The following RPH3A variants were observed in gnomAD, a reference collection of about 807,000 sequenced individuals.
RPH3A encodes rabphilin-3A.
Under a neutral mutation model 102.2 loss-of-function variants are expected in RPH3A, and 48 were observed. The ratio of observed to expected loss-of-function variants is 0.47; its 90% CI spans 0.37 to 0.60. The LOEUF is 0.60. Ranked by LOEUF, RPH3A falls within the 20% of genes least tolerant of loss-of-function variation. The pLI is 0.00. For missense variants in RPH3A, 781 were observed against 910.1 expected (o/e 0.86, Z 1.83); for synonymous variants, 310 against 324.3 (o/e 0.96, Z 0.47).
chr12:112,869,855 A>G, intron 9 of RPH3A, 38 bp from the exon 10 acceptor site: 1 of 1,614,106 alleles, frequency 6.2e-7, no homozygotes, highest in Non-Finnish European at 8.5e-7. Context: ...AATTCCCTCG[A>G]TGCCCTTTCT....
chr12:112,598,326 G>A (rs914689328), intron 1 of RPH3A, among the ~76,000 whole-genome samples: 4 of 152,176 alleles, frequency 2.6e-5, no homozygotes, highest in African/African-American at 9.7e-5. Context: ...AACAGACGTT[G>A]TCAATTCAGT....
intron 1 of RPH3A, among the ~76,000 whole-genome samples, chr12:112,727,405 A>AT (rs1565862304): frequency 8.4e-5 from 11 of 131,382 alleles, no homozygotes; most frequent in African/African-American, 2.2e-4. Flanking sequence ...AAAAAAAAAA[A>AT]AATATATATA....
At chr12:112,655,957 C>T (rs553639776) in intron 1 of RPH3A, among the ~76,000 whole-genome samples, 49 of 152,258 alleles carry the variant, frequency 3.2e-4, no homozygotes, top group Middle Eastern at 3.4e-3. Context: ...ATCATAGCTG[C>T]AGGAATGGGA....
intron 1 of RPH3A, among the ~76,000 whole-genome samples, chr12:112,712,897 CTTCTTCCTCTTCTTCTTCT>C (rs1565856685): frequency 7.5e-6 from 1 of 133,008 alleles, no homozygotes. Context: ...TCTTCTTCTT[CTTCTTCCTCTTCTTCTTCT>C]TCTTCTTCCT....
chr12:112,633,070 T>C (rs886104125), intron 1 of RPH3A, among the ~76,000 whole-genome samples: 3 of 150,994 alleles, frequency 2.0e-5, no homozygotes, highest in African/African-American at 4.9e-5. Flanking sequence ...CACATGTCTG[T>C]AGTCCCAGCT....
At chr12:112,881,108 C>T (rs889778158) in intron 14 of RPH3A, among the ~76,000 whole-genome samples, 5 of 152,082 alleles carry the variant, frequency 3.3e-5, no homozygotes, top group East Asian at 1.9e-4. Flanking sequence ...AGAGGGATGA[C>T]GGGAGCCCAG....
chr12:112,897,087 A>C lies in RPH3A; in HGVS notation c.*307A>C. On this transcript the variant is annotated 3_prime_UTR_variant, in exon 22 of 22. Transcript: ENST00000389385. ...AACCTCTCAGTTTGGGTAAATTACA[A>C]AGGTTCTTCATCATTTAGGACTGTT... The C allele has an allele frequency of 3.2e-6, 1 of 309,812 alleles. No individual in the cohort carries two copies. The highest frequency in any genetic ancestry group is 6.2e-6 in the Non-Finnish European group (1 of 160,336). 19.2% of individuals were successfully genotyped at this position (309,812 alleles called of 1,614,324 possible). A position where few individuals can be genotyped will look rare whatever the true frequency, so the allele number is the denominator to read the frequency against.
At chr12:112,669,846 A>C (rs1566251045) in intron 1 of RPH3A, among the ~76,000 whole-genome samples, 1 of 152,014 alleles carries the variant, frequency 6.6e-6, no homozygotes, top group African/African-American at 2.4e-5. Flanking sequence ...CTATAGCATA[A>C]TTTTTTTCAA....
intron 1 of RPH3A, among the ~76,000 whole-genome samples, chr12:112,720,323 A>G (rs2040542329): frequency 6.6e-6 from 1 of 152,262 alleles, no homozygotes; most frequent in Admixed American, 6.5e-5. Context: ...TCTGAACATA[A>G]TGATAGATGA....
intron 1 of RPH3A, among the ~76,000 whole-genome samples, chr12:112,656,617 A>G (rs777486018): frequency 3.9e-5 from 6 of 151,946 alleles, no homozygotes; most frequent in African/African-American, 7.3e-5. Flanking sequence ...ATTCCCCTCT[A>G]TATGTCCATT....
intron 1 of RPH3A, among the ~76,000 whole-genome samples, chr12:112,708,112 A>C (rs1219123734): frequency 1.3e-5 from 2 of 152,194 alleles, no homozygotes; most frequent in African/African-American, 4.8e-5. Context: ...AAACATCTCA[A>C]ACAGAAAGTC....
intron 14 of RPH3A, 76 bp from the exon 15 acceptor site, chr12:112,881,696 G>C: frequency 9.8e-7 from 1 of 1,017,834 alleles, no homozygotes; most frequent in South Asian, 1.5e-5. Context: ...GATGCCAGGG[G>C]CTATGCCCAT....
chr12:112,883,255 T>G (rs1293667455), intron 15 of RPH3A, 38 bp from the exon 16 acceptor site: 5 of 1,533,206 alleles, frequency 3.3e-6, no homozygotes, highest in Non-Finnish European at 4.5e-6. Flanking sequence ...GGCTCCCCAC[T>G]GAGGTAGGTG....
In RPH3A at chr12:112,634,327, G is replaced by A. The variant is rs1323532567; in HGVS notation, c.-140+59008G>A. 1.2e-3 allele frequency among the ~76,000 whole-genome samples: 42 copies of A among 36,368 alleles called. 14 individuals carry two copies. Among genetic ancestry groups the A allele is most frequent in the Non-Finnish European group, 1.7e-3 (37 of 21,650 alleles). 23.9% of individuals were successfully genotyped at this position (36,368 alleles called of 152,430 possible). On this transcript the variant is annotated intron_variant, in intron 1 of 21. Transcript: ENST00000543106. ...TGCGCCACTGCACTCCAGCCTGGGC[G>A]ACAGAGCGAGACTCCGTCTCAAAAA... is the stretch of plus-strand genomic sequence containing the variant.
At chr12:112,792,830 G>A (rs2041150585) in intron 2 of RPH3A, among the ~76,000 whole-genome samples, 2 of 152,312 alleles carry the variant, frequency 1.3e-5, no homozygotes, top group South Asian at 2.1e-4. Flanking sequence ...TCCTGAGATG[G>A]AAGACCTGGG....
At chr12:112,665,713 T>C (rs1011650748) in intron 1 of RPH3A, among the ~76,000 whole-genome samples, 1 of 152,250 alleles carries the variant, frequency 6.6e-6, no homozygotes, top group Non-Finnish European at 1.5e-5. Flanking sequence ...AAATTTCTTT[T>C]ATCCTTTCTT....
chr12:112,835,121 C>G (rs2042026842), intron 3 of RPH3A, among the ~76,000 whole-genome samples: 1 of 152,140 alleles, frequency 6.6e-6, no homozygotes, highest in Admixed American at 6.5e-5. Flanking sequence ...CAGCAAATGT[C>G]TCATGTCTGT....
At chr12:112,871,270 T>C (rs767274704) in intron 10 of RPH3A, among the ~76,000 whole-genome samples, 3 of 152,238 alleles carry the variant, frequency 2.0e-5, no homozygotes, top group Admixed American at 6.5e-5. Context: ...TTCACACGGT[T>C]ACACAACCAT....
chr12:112,601,180 T>C (rs2039556449), intron 1 of RPH3A, among the ~76,000 whole-genome samples: 1 of 152,200 alleles, frequency 6.6e-6, no homozygotes. Flanking sequence ...GAGGATTAAA[T>C]GCACAATTAA....
Sources: allele counts gnomAD v4.1 joint callset (sites outside exome capture counted in the v4.1 genomes callset), GRCh38; gene constraint gnomAD v4.1.1; transcripts MANE v1.5; gene names NCBI Gene and HGNC (gene_info 2026-07-23, HGNC 2026-07-21).